SLC9C1: variants seen among roughly 807,000 people sequenced by gnomAD.
The protein encoded by SLC9C1 is solute carrier family 9 member C1, also known as sodium/hydrogen exchanger 10.
A neutral mutation model predicts 140.9 loss-of-function variants in SLC9C1; 97 were observed. That is an observed-to-expected ratio of 0.69 (90% CI 0.58 to 0.82). The LOEUF (loss-of-function observed/expected upper bound fraction) is 0.82, where lower values mean the gene tolerates loss of function less well. SLC9C1 is among the 40% of genes least tolerant of loss of function. The probability of loss-of-function intolerance (pLI) is 0.00; values close to 1 mark genes in which losing one functional copy is unlikely to be tolerated. For synonymous variants in SLC9C1, 440 were observed against 442.6 expected, an observed-to-expected ratio of 0.99 and a Z score of 0.07; for missense variants, 1,340 against 1,389.3, an observed-to-expected ratio of 0.96 and a Z score of 0.56.
Position 112,168,934 on chromosome 3 carries a change from A to G in SLC9C1, c.3180T>C (p.Asp1060=), listed in dbSNP as rs1372067363. 6 of 1,608,216 alleles carry G rather than the reference A, an allele frequency of 3.7e-6. No individual in the cohort carries two copies. The highest frequency in any genetic ancestry group is 2.2e-5 in the South Asian group (2 of 89,136). The change falls in exon 25 of 29, where the codon GAT becomes GAC. Residue 1060 remains aspartate (D), a synonymous_variant. Coordinates refer to ENST00000305815, the MANE Select transcript of SLC9C1 (RefSeq NM_183061.3). ...YVILIHGAVE[D]CLLRKTYRAP... The stretch of plus-strand genomic sequence containing the variant: ...CTCTATAAGTTTTTCGTAACAGACA[A>G]TCTTCTACAGCTCCATGTATGAGGA...
chr3:112,280,832 A>G, intron 2 of SLC9C1, 49 bp from the exon 3 acceptor site: 1 of 1,500,446 alleles, frequency 6.7e-7, no homozygotes, highest in African/African-American at 1.4e-5. Flanking sequence ...TCTCATTTAT[A>G]GAACTTTAAT....
At chr3:112,262,422 G>A (rs1014094532) in intron 10 of SLC9C1, among the ~76,000 whole-genome samples, 1 of 105,850 alleles carries the variant, frequency 9.4e-6, no homozygotes, top group South Asian at 4.0e-4. Flanking sequence ...TGTGATATCT[G>A]CACAGAAATT....
At chr3:112,202,797 T>G (rs1226962435) in intron 17 of SLC9C1, among the ~76,000 whole-genome samples, 1 of 151,944 alleles carries the variant, frequency 6.6e-6, no homozygotes, top group Non-Finnish European at 1.5e-5. Context: ...GATGGTCTGG[T>G]CAGGTGAGAA....
At chr3:112,178,891 A>G (rs1284349366) in intron 23 of SLC9C1, among the ~76,000 whole-genome samples, 2 of 152,222 alleles carry the variant, frequency 1.3e-5, no homozygotes, top group African/African-American at 4.8e-5. Context: ...TTCCCAATTA[A>G]AAAACTACTT....
At chr3:112,214,948 CA>C (rs1379230309) in intron 15 of SLC9C1, among the ~76,000 whole-genome samples, 1 of 152,126 alleles carries the variant, frequency 6.6e-6, no homozygotes, top group African/African-American at 2.4e-5. Flanking sequence ...AACATCGATG[CA>C]AAAATCCTCA....
intron 16 of SLC9C1, among the ~76,000 whole-genome samples, chr3:112,206,129 C>G (rs867349010): frequency 0.015 from 930 of 64,056 alleles, 70 homozygotes; most frequent in African/African-American, 0.042. Context: ...TATCCAGAAT[C>G]TACAATGAAC....
rs191100529 is a variant in SLC9C1 at position 112,245,847 on chromosome 3, A to T, written c.1198-1771T>A. 7.2e-5 allele frequency among the ~76,000 whole-genome samples: 11 copies of T among 152,274 alleles called. No individual in the cohort carries two copies. In the East Asian group the frequency reaches 2.1e-3, roughly 29 times the overall value. ...TATATATTTTACATAGGTTTTTAAA[A>T]ATGTGTCTCAACAATGCCATGTTGT... On this transcript the variant is annotated intron_variant, in intron 10 of 28. Coordinates refer to ENST00000305815, the MANE Select transcript of SLC9C1 (RefSeq NM_183061.3).
At chr3:112,145,409 T>G (rs1003892927) in intron 28 of SLC9C1, among the ~76,000 whole-genome samples, 1 of 152,144 alleles carries the variant, frequency 6.6e-6, no homozygotes, top group African/African-American at 2.4e-5. Context: ...AATATTGGCC[T>G]GTAGTTGTCT....
At chr3:112,215,486 A>C (rs1225948691) in intron 15 of SLC9C1, among the ~76,000 whole-genome samples, 1 of 152,136 alleles carries the variant, frequency 6.6e-6, no homozygotes, top group Non-Finnish European at 1.5e-5. Context: ...AAATCTCCTT[A>C]AGCTCATAAG....
intron 10 of SLC9C1, among the ~76,000 whole-genome samples, chr3:112,253,271 G>A (rs553942515): frequency 1.4e-4 from 21 of 152,242 alleles, no homozygotes; most frequent in African/African-American, 4.8e-4. Context: ...GCCAAGTTGG[G>A]GAAGGCAACA....
chr3:112,222,784 A>G (rs932131644), intron 13 of SLC9C1, among the ~76,000 whole-genome samples: 4 of 152,172 alleles, frequency 2.6e-5, no homozygotes, highest in South Asian at 4.1e-4. Context: ...TTTAAGTTAC[A>G]AGGAAATAGA....
At chr3:112,215,890 A>G (rs1250302958) in intron 15 of SLC9C1, among the ~76,000 whole-genome samples, 1 of 152,204 alleles carries the variant, frequency 6.6e-6, no homozygotes, top group Non-Finnish European at 1.5e-5. Flanking sequence ...AAGAGCCCAC[A>G]TTGCTAAGTC....
At position 112,200,714 on chromosome 3, in the gene SLC9C1, GCT is replaced by G; in HGVS notation, c.2369_2370del (p.Glu790AlafsTer7). 1.2e-6 allele frequency: 2 copies of G among 1,608,466 alleles called. No homozygotes were observed. Among genetic ancestry groups the G allele is most frequent in the Non-Finnish European group, 1.7e-6 (2 of 1,177,526 alleles). On this transcript the variant is annotated frameshift_variant, in exon 19 of 29. Transcript: ENST00000305815. LOFTEE classifies it high-confidence loss of function. ...VIRNMEHAIK[E>X]LGYLEYDHPE... is the part of the protein sequence containing the mutation. Reference sequence around the variant, plus strand: ...AAATAGGATGAGAGCTACTTACCTAGCTCTTTTATAGCATGTTCCATATTCCT... The same window carrying G: ...AAATAGGATGAGAGCTACTTACCTAGCTTTTATAGCATGTTCCATATTCCT...
chr3:112,165,690 G>T (rs542681525), intron 26 of SLC9C1, among the ~76,000 whole-genome samples: 8 of 152,316 alleles, frequency 5.3e-5, no homozygotes, highest in Non-Finnish European at 8.8e-5. Context: ...ACTGGGGGGT[G>T]CCTCCCAGTT....
intron 8 of SLC9C1, among the ~76,000 whole-genome samples, chr3:112,265,584 T>C (rs2079896706): frequency 6.6e-6 from 1 of 152,152 alleles, no homozygotes; most frequent in South Asian, 2.1e-4. Context: ...GTTTTCATTA[T>C]GTGGTTCAGG....
At chr3:112,225,046 C>T (rs11714273) in intron 13 of SLC9C1, among the ~76,000 whole-genome samples, 32,217 of 151,916 alleles carry the variant, frequency 0.21, 4,304 homozygotes, top group East Asian at 0.34. Flanking sequence ...CAAATATCCC[C>T]CAAAAGATTC....
intron 10 of SLC9C1, among the ~76,000 whole-genome samples, chr3:112,247,463 T>A (rs1455196466): frequency 6.6e-6 from 1 of 152,174 alleles, no homozygotes; most frequent in Non-Finnish European, 1.5e-5. Context: ...CTCAATCTTA[T>A]CATTTTTCTT....
At chr3:112,228,643 C>T (rs1326399380) in intron 13 of SLC9C1, among the ~76,000 whole-genome samples, 3 of 151,974 alleles carry the variant, frequency 2.0e-5, no homozygotes, top group Non-Finnish European at 4.4e-5. Context: ...TCTACTAAGG[C>T]ATTAATATCC....
At chr3:112,236,185 G>T (rs2078980912) in intron 12 of SLC9C1, among the ~76,000 whole-genome samples, 1 of 152,042 alleles carries the variant, frequency 6.6e-6, no homozygotes, top group African/African-American at 2.4e-5. Flanking sequence ...ACTTCTTCCT[G>T]GTTTAGTCTT....
Sources: gnomAD v4.1 joint callset for allele counts (sites outside exome capture counted in the v4.1 genomes callset) on GRCh38, gnomAD v4.1.1 for gene constraint, MANE v1.5 for transcripts, NCBI Gene and HGNC (gene_info 2026-07-23, HGNC 2026-07-21) for gene names.